FBH1: variants seen among roughly 807,000 people sequenced by gnomAD.
FBH1 encodes the protein F-box DNA helicase 1, also known as DNA 3'-5' helicase 1.
Under a neutral mutation model 115.5 loss-of-function variants are expected in FBH1, and 43 were observed. That is an observed-to-expected ratio of 0.37 (90% CI 0.29 to 0.48). FBH1 has a LOEUF of 0.48. Ranked by LOEUF, FBH1 falls within the 20% of genes least tolerant of loss-of-function variation. FBH1 has a pLI of 0.99. For synonymous variants in FBH1, 524 were observed against 507.8 expected (o/e 1.03, Z -0.43); for missense variants, 1,001 against 1,337.3 (o/e 0.75, Z 3.92).
upstream of FBH1, chr10:5,890,230 T>C (rs188143833): frequency 7.7e-3 from 2,728 of 354,468 alleles, 36 homozygotes; most frequent in African/African-American, 0.039. Flanking sequence ...TCGGCGGGCG[T>C]CTCGGGCTCC....
At chr10:5,929,538 C>T (rs1832853575) in intron 19 of FBH1, 1 of 152,228 alleles carries the variant, frequency 6.6e-6, no homozygotes, top group Admixed American at 6.5e-5. Context: ...TCTTTAGCCA[C>T]TAAAGCACAT....
In FBH1 at chr10:5,898,319, A is replaced by G. The variant is rs114818720; in HGVS notation, c.2-4701A>G. On this transcript the variant is annotated intron_variant, in intron 1 of 20. Transcript: ENST00000362091. ...CTTTGTGTCCTCACATGGTGGCAGG[A>G]GTAAGGGAGCTCTCTGAGACCTCTC... 4.1e-3 allele frequency among the ~76,000 whole-genome samples: 617 copies of G among 152,250 alleles called. 2 individuals carry two copies. The highest frequency in any genetic ancestry group is 0.014 in the African/African-American group (587 of 41,536).
At chr10:5,927,220 A>G (rs1158423016) in intron 18 of FBH1, among the ~76,000 whole-genome samples, 2 of 152,232 alleles carry the variant, frequency 1.3e-5, no homozygotes, top group South Asian at 4.1e-4. Flanking sequence ...AGCAGGACTA[A>G]ATAAAACCCG....
chr10:5,899,579 A>G (rs1435520115), intron 1 of FBH1, among the ~76,000 whole-genome samples: 1 of 152,160 alleles, frequency 6.6e-6, no homozygotes, highest in Non-Finnish European at 1.5e-5. Context: ...GGAGAGAGAA[A>G]AGCAGGCATG....
rs191590011 is a variant in FBH1, at chr10:5,896,079, C to G, written c.1+5733C>G. Among the ~76,000 whole-genome samples the G allele has an allele frequency of 2.0e-5, 3 of 152,328 alleles. No homozygotes were observed. In the East Asian group the frequency reaches 5.8e-4, roughly 29 times the overall value. On this transcript the variant is annotated intron_variant, in intron 1 of 20. Transcript: ENST00000362091. ...GAGTGGCAGACACGCAGTTCTCACT[C>G]TGCGACTGCAGGAGTGTCTCTTGTT...
chr10:5,892,778 G>A (rs1459738353), intron 1 of FBH1, among the ~76,000 whole-genome samples: 1 of 152,196 alleles, frequency 6.6e-6, no homozygotes, highest in East Asian at 1.9e-4. Context: ...TACTAGAAAT[G>A]CCAGTTATCC....
In FBH1 at chr10:5,906,593, G is replaced by C. The variant is rs964021827; in HGVS notation, c.714G>C (p.Leu238Phe). ...AAGACCTCTATTGGAACCTGAGCTTGGTGTGCCACTTGTGGAGGGAGATCA... is the reference window on the plus strand; with the variant it reads ...AAGACCTCTATTGGAACCTGAGCTTCGTGTGCCACTTGTGGAGGGAGATCA... ...PVEDLYWNLS[L>F]VCHLWREIIS... The change falls in exon 3 of 21, where the codon TTG (leucine) becomes TTC (phenylalanine). Residue 238 changes from leucine to phenylalanine, a missense_variant. Physicochemically the swap from Leu to Phe is conservative, Grantham distance 22 (BLOSUM62 0). Transcript: ENST00000362091. This position sits in a 1 kb window ranked among gnomAD's most constrained non-coding sequence, Gnocchi z 7.3. 3 of 1,612,072 alleles carry C rather than the reference G, an allele frequency of 1.9e-6. No individual in the cohort carries two copies. Among genetic ancestry groups the C allele is most frequent in the Non-Finnish European group, 2.5e-6 (3 of 1,179,594 alleles).
intron 1 of FBH1, among the ~76,000 whole-genome samples, chr10:5,899,516 T>G (rs1371075170): frequency 6.6e-6 from 1 of 152,166 alleles, no homozygotes; most frequent in African/African-American, 2.4e-5. Flanking sequence ...GTGTCTCCAG[T>G]TCTAATTGTA....
At position 5,893,339 on chromosome 10, in the gene FBH1, T is replaced by C. The variant is rs986428568; in HGVS notation, c.1+2993T>C. 2.0e-5 allele frequency among the ~76,000 whole-genome samples: 3 copies of C among 152,090 alleles called. No individual in the cohort carries two copies. The South Asian group carries it at 6.2e-4, about 32-fold the overall frequency. The stretch of plus-strand genomic sequence containing the variant: ...CAAAAAACAAACAAACAAACAAAAT[T>C]GGATGATACCTTGAAGCCCCTACCT... On this transcript the variant is annotated intron_variant, in intron 1 of 20. Coordinates refer to ENST00000362091, the MANE Select transcript of FBH1 (RefSeq NM_178150.3).
intron 13 of FBH1, among the ~76,000 whole-genome samples, chr10:5,920,510 G>GT (rs1202927865): frequency 6.6e-6 from 1 of 152,122 alleles, no homozygotes; most frequent in African/African-American, 2.4e-5. Flanking sequence ...AAGGAGATTT[G>GT]TTTTTTCTCT....
chr10:5,898,852 G>T (rs1418560299), intron 1 of FBH1, among the ~76,000 whole-genome samples: 1 of 152,188 alleles, frequency 6.6e-6, no homozygotes, highest in East Asian at 1.9e-4. Context: ...AGTGAACCAG[G>T]TGGGCTAGCT....
At chr10:5,890,994 G>A (rs1427915584) in intron 1 of FBH1, 1 of 196,090 alleles carries the variant, frequency 5.1e-6, no homozygotes, top group African/African-American at 2.4e-5. Context: ...CTAAAAACGA[G>A]TGCCGTTTAC....
In FBH1 at chr10:5,911,926, A is replaced by G. The variant is rs2131971268; in HGVS notation, c.1211+798A>G. The stretch of plus-strand genomic sequence containing the variant: ...GGGGAGAGCAGTTCAGAGAAGGTAT[A>G]GATGCCTTAAGGGCCTGAAGATGGG... On this transcript the variant is annotated intron_variant, in intron 6 of 20. Coordinates refer to ENST00000362091, the MANE Select transcript of FBH1 (RefSeq NM_178150.3). The surrounding 1 kb of genome is among the most constrained non-coding windows in gnomAD (Gnocchi z 5.4). Among the ~76,000 whole-genome samples, 1 of 152,282 alleles carries G rather than the reference A, an allele frequency of 6.6e-6. No homozygotes were observed. Among genetic ancestry groups the G allele is most frequent in the South Asian group, 2.1e-4 (1 of 4,818 alleles).
chr10:5,923,528 C>A lies in FBH1; in HGVS notation c.2323-93C>A. On this transcript the variant is annotated intron_variant, in intron 15 of 20. Coordinates refer to ENST00000362091, the MANE Select transcript of FBH1 (RefSeq NM_178150.3). This position sits in a 1 kb window ranked among gnomAD's most constrained non-coding sequence, Gnocchi z 5.7. ...ATCTCATTTCAAAACCCCATCCCTGCATTTGCTTTATTTTGTTTTGTTAAA... is the reference window on the plus strand; with the variant it reads ...ATCTCATTTCAAAACCCCATCCCTGAATTTGCTTTATTTTGTTTTGTTAAA... The A allele has an allele frequency of 9.9e-7, 1 of 1,007,234 alleles. No homozygotes were observed. The highest frequency in any genetic ancestry group is 1.5e-6 in the Non-Finnish European group (1 of 665,532). The allele number at this position is 1,007,234 out of a possible 1,614,324, so 62.4% of individuals were successfully genotyped here.
rs1057372478 is a variant in FBH1 at position 5,910,738 on chromosome 10, A to C, written c.1021-200A>C. On this transcript the variant is annotated intron_variant, in intron 5 of 20. Coordinates refer to ENST00000362091, the MANE Select transcript of FBH1 (RefSeq NM_178150.3). The surrounding 1 kb of genome is among the most constrained non-coding windows in gnomAD (Gnocchi z 4.8). ...AAAGAAAACTAAGATCTCAAATCCA[A>C]AAGTGATGAGAAGGAGTCCAGGGCG... 1.3e-5 allele frequency among the ~76,000 whole-genome samples: 2 copies of C among 152,230 alleles called. No individual in the cohort carries two copies. Among genetic ancestry groups the C allele is most frequent in the Non-Finnish European group, 2.9e-5 (2 of 68,044 alleles).
rs1018876960 is a variant in FBH1, at chr10:5,894,265, A to G, written c.1+3919A>G. The stretch of plus-strand genomic sequence containing the variant: ...AGTTTTTCCATTTCGGGTCTACAGC[A>G]TTTAGTGGTATTTTCCTTATAGTTA... On this transcript the variant is annotated intron_variant, in intron 1 of 20. Transcript: ENST00000362091. 2.4e-4 allele frequency: 338 copies of G among 1,427,074 alleles called. 1 individual carries two copies. Among genetic ancestry groups the G allele is most frequent in the Non-Finnish European group, 3.5e-5 (38 of 1,094,364 alleles). 88.4% of individuals were successfully genotyped at this position (1,427,074 alleles called of 1,614,324 possible). A position where few individuals can be genotyped will look rare whatever the true frequency, so the allele number is the denominator to read the frequency against.
rs1015908704 is a variant in FBH1 at position 5,921,142 on chromosome 10, G to T, written c.2101-116G>T. ...AGCCTGTGAAGTTCGCTTTCCATGC[G>T]GGGGGTCAGGAACAACTTGTAGGGT... On this transcript the variant is annotated intron_variant, in intron 13 of 20. Coordinates refer to ENST00000362091, the MANE Select transcript of FBH1 (RefSeq NM_178150.3). The surrounding 1 kb of genome is among the most constrained non-coding windows in gnomAD (Gnocchi z 6.4). 9 of 859,772 alleles carry T rather than the reference G, an allele frequency of 1.0e-5. No homozygotes were observed. The East Asian group carries it at 1.3e-4, about 12-fold the overall frequency. The allele number at this position is 859,772 out of a possible 1,614,324, so 53.3% of individuals were successfully genotyped here.
At chr10:5,890,115 A>C, upstream of FBH1, 1 of 321,124 alleles carries the variant, frequency 3.1e-6, no homozygotes, top group Non-Finnish European at 5.7e-6. Context: ...GTCCGTCAGC[A>C]CGCCCCCTCC....
At chr10:5,891,523 T>A (rs1842728297) in intron 1 of FBH1, among the ~76,000 whole-genome samples, 1 of 152,246 alleles carries the variant, frequency 6.6e-6, no homozygotes, top group African/African-American at 2.4e-5. Flanking sequence ...CTCTCCCAGT[T>A]TCAGATGACT....
Sources: allele counts gnomAD v4.1 joint callset (sites outside exome capture counted in the v4.1 genomes callset), GRCh38; gene constraint gnomAD v4.1.1; non-coding constraint Gnocchi (gnomAD v3.1); transcripts MANE v1.5; gene names NCBI Gene and HGNC (gene_info 2026-07-23, HGNC 2026-07-21).